NALF1: variants seen among roughly 807,000 people sequenced by gnomAD.
NALF1 encodes family with sequence similarity 155 member A.
A neutral mutation model predicts 48.4 loss-of-function variants in NALF1; 3 were observed. The observed-to-expected ratio is 0.06, with a 90% CI of 0.03 to 0.16. The LOEUF (loss-of-function observed/expected upper bound fraction) is 0.16. NALF1 is among the 10% of genes least tolerant of loss of function. NALF1 has a pLI of 1.00. For synonymous variants in NALF1, 262 were observed against 245.7 expected (o/e 1.07, Z -0.62); for missense variants, 526 against 571.5 (o/e 0.92, Z 0.81).
At chr13:107,741,668 G>A (rs1876641691) in intron 1 of NALF1, among the ~76,000 whole-genome samples, 1 of 152,152 alleles carries the variant, frequency 6.6e-6, no homozygotes, top group African/African-American at 2.4e-5. Context: ...GACAGGTGTA[G>A]GACCAACACA....
At chr13:107,349,833 T>G (rs2138943815) in intron 1 of NALF1, among the ~76,000 whole-genome samples, 1 of 152,158 alleles carries the variant, frequency 6.6e-6, no homozygotes, top group South Asian at 2.1e-4. Flanking sequence ...AGATTTAGGT[T>G]TTATGTGTAT....
At chr13:107,669,058 G>A (rs1040750236) in intron 1 of NALF1, among the ~76,000 whole-genome samples, 1 of 151,916 alleles carries the variant, frequency 6.6e-6, no homozygotes, top group African/African-American at 2.4e-5. Flanking sequence ...ACATAATACT[G>A]ATATTAAGCT....
chr13:107,610,857 T>TGG (rs1433612708), intron 1 of NALF1, among the ~76,000 whole-genome samples: 1 of 152,134 alleles, frequency 6.6e-6, no homozygotes, highest in Non-Finnish European at 1.5e-5. Context: ...TTTTCATCAG[T>TGG]GGGGGACCAG....
intron 1 of NALF1, among the ~76,000 whole-genome samples, chr13:107,646,379 T>C (rs1454590679): frequency 1.3e-5 from 2 of 151,868 alleles, no homozygotes; most frequent in Non-Finnish European, 2.9e-5. Context: ...ATCTTCCAAA[T>C]GATGCAGTGA....
chr13:107,822,595 G>A (rs1407487293), intron 1 of NALF1, among the ~76,000 whole-genome samples: 1 of 152,188 alleles, frequency 6.6e-6, no homozygotes, highest in African/African-American at 2.4e-5. Context: ...CAGCACAGAA[G>A]TAGTCAGCCA....
intron 1 of NALF1, among the ~76,000 whole-genome samples, chr13:107,445,832 G>T (rs1389840345): frequency 6.6e-6 from 1 of 152,076 alleles, no homozygotes; most frequent in Non-Finnish European, 1.5e-5. Flanking sequence ...GTGATGAGCA[G>T]AAAAAAATTA....
In NALF1 at chr13:107,769,579, T is replaced by A. The variant is rs112985945; in HGVS notation, c.915+96103A>T. Among the ~76,000 whole-genome samples, 8 of 148,896 alleles carry A rather than the reference T, an allele frequency of 5.4e-5. 1 individual carries two copies. The highest frequency in any genetic ancestry group is 2.0e-4 in the African/African-American group (8 of 40,612). Reference sequence around the variant, plus strand: ...GGGGGAGGGATAGCATCGGGAGATATACCTAATGCTAGATGACGAGTTAGT... The same window carrying A: ...GGGGGAGGGATAGCATCGGGAGATAAACCTAATGCTAGATGACGAGTTAGT... On this transcript the variant is annotated intron_variant, in intron 1 of 2. Coordinates refer to ENST00000375915, the MANE Select transcript of NALF1 (RefSeq NM_001080396.3).
intron 1 of NALF1, among the ~76,000 whole-genome samples, chr13:107,824,362 T>C (rs552249846): frequency 6.6e-6 from 1 of 152,266 alleles, no homozygotes; most frequent in African/African-American, 2.4e-5. Flanking sequence ...AAGGAGGAAA[T>C]TAATGAGAAA....
chr13:107,260,000 A>G (rs1594093464), intron 1 of NALF1, among the ~76,000 whole-genome samples: 2 of 152,330 alleles, frequency 1.3e-5, no homozygotes, highest in South Asian at 4.1e-4. Flanking sequence ...TTCATGAATA[A>G]ATTAGTGGTA....
At chr13:107,570,375 T>C (rs1025193213) in intron 1 of NALF1, among the ~76,000 whole-genome samples, 5 of 152,056 alleles carry the variant, frequency 3.3e-5, no homozygotes, top group Non-Finnish European at 7.4e-5. Context: ...CTATTCCTAG[T>C]ATAATGACAA....
chr13:107,195,486 C>T (rs1183395638), intron 2 of NALF1, among the ~76,000 whole-genome samples: 1 of 152,146 alleles, frequency 6.6e-6, no homozygotes, highest in Non-Finnish European at 1.5e-5. Context: ...CTCTGTATCG[C>T]CTTTTCACGT....
At chr13:107,433,219 A>G (rs1047749891) in intron 1 of NALF1, among the ~76,000 whole-genome samples, 2 of 152,344 alleles carry the variant, frequency 1.3e-5, no homozygotes, top group Admixed American at 6.5e-5. Context: ...AATTCTGTGA[A>G]GTAAACATTG....
rs9559070 is a variant in NALF1, at chr13:107,583,539, T to C, written c.915+282143A>G. On this transcript the variant is annotated intron_variant, in intron 1 of 2. Transcript: ENST00000375915. Reference sequence around the variant, plus strand: ...CAGAACAAGACTATTACAATGGCTATTGTGATTTTAAGACCAGTTTCAAGA... The same window carrying C: ...CAGAACAAGACTATTACAATGGCTACTGTGATTTTAAGACCAGTTTCAAGA... Among the ~76,000 whole-genome samples the C allele has an allele frequency of 0.021, 3,125 of 152,254 alleles. 213 individuals are homozygous for C. The East Asian group carries it at 0.26, about 13-fold the overall frequency.
At chr13:107,614,775 T>C (rs946608731) in intron 1 of NALF1, among the ~76,000 whole-genome samples, 1 of 151,714 alleles carries the variant, frequency 6.6e-6, no homozygotes, top group African/African-American at 2.4e-5. Flanking sequence ...TTTTTTTTTT[T>C]TTCTTTCTTT....
At chr13:107,627,400 G>A (rs912009680) in intron 1 of NALF1, among the ~76,000 whole-genome samples, 1 of 152,012 alleles carries the variant, frequency 6.6e-6, no homozygotes, top group Non-Finnish European at 1.5e-5. Flanking sequence ...TATTAGAAAA[G>A]CCTATAATGG....
chr13:107,515,894 T>C (rs555818923), intron 1 of NALF1, among the ~76,000 whole-genome samples: 1 of 152,282 alleles, frequency 6.6e-6, no homozygotes, highest in African/African-American at 2.4e-5. Context: ...TAGAAGAAAG[T>C]TGTATCTCAG....
intron 1 of NALF1, among the ~76,000 whole-genome samples, chr13:107,692,436 CT>C (rs915367071): frequency 3.6e-4 from 55 of 151,588 alleles, no homozygotes; most frequent in Non-Finnish European, 6.6e-4. Context: ...CAAACACAAA[CT>C]TTTTTTTTCA....
chr13:107,751,420 C>G (rs1226070079), intron 1 of NALF1, among the ~76,000 whole-genome samples: 1 of 152,194 alleles, frequency 6.6e-6, no homozygotes, highest in Non-Finnish European at 1.5e-5. Context: ...TGATGTCAAA[C>G]AGCTGGTGTT....
chr13:107,375,546 G>T (rs987985633), intron 1 of NALF1, among the ~76,000 whole-genome samples: 1 of 151,018 alleles, frequency 6.6e-6, no homozygotes, highest in Admixed American at 6.6e-5. Context: ...CTGCTGCTCC[G>T]TGTAATAATA....
Sources: allele counts gnomAD v4.1 joint callset (sites outside exome capture counted in the v4.1 genomes callset), GRCh38; gene constraint gnomAD v4.1.1; transcripts MANE v1.5; gene names NCBI Gene and HGNC (gene_info 2026-07-23, HGNC 2026-07-21).